The following CFAP47 variants were observed in gnomAD, a reference collection of about 807,000 sequenced individuals.
The protein encoded by CFAP47 is cilia and flagella associated protein 47.
A neutral mutation model predicts 148.1 loss-of-function variants in CFAP47; 29 were observed. That is an observed-to-expected ratio of 0.20 (90% CI 0.15 to 0.27). The LOEUF is 0.27. Ranked by LOEUF, CFAP47 falls within the 10% of genes least tolerant of loss-of-function variation. The pLI, the probability that CFAP47 is intolerant of heterozygous loss-of-function variation, is 1.00. For missense variants in CFAP47, 1,872 were observed against 1,697.5 expected (o/e 1.10, Z -1.81); for synonymous variants, 664 against 577.3 (o/e 1.15, Z -2.15).
At chrX:36,032,307 G>GAA (rs974674041) in intron 23 of CFAP47, among the ~76,000 whole-genome samples, 1 of 103,747 alleles carries the variant, frequency 9.6e-6, no homozygotes. Flanking sequence ...GCCCCATGGA[G>GAA]AAAAAAAAAA....
chrX:35,985,990 G>T, intron 15 of CFAP47: 1 of 314,490 alleles, frequency 3.2e-6, no homozygotes, highest in African/African-American at 2.6e-5. Context: ...ATTAAACTGA[G>T]CTACAGAGCA....
intron 29 of CFAP47, among the ~76,000 whole-genome samples, chrX:36,081,824 C>T (rs1198840381): frequency 9.0e-6 from 1 of 111,149 alleles, no homozygotes; most frequent in East Asian, 2.8e-4. Flanking sequence ...ACAGAGTCAC[C>T]AGCAAAGGAA....
At chrX:35,932,846 C>T (rs977441976) in intron 2 of CFAP47, among the ~76,000 whole-genome samples, 13 of 110,701 alleles carry the variant, frequency 1.2e-4, no homozygotes, top group Non-Finnish European at 1.3e-4. Context: ...AGGATGGTCT[C>T]GGTCTCTTGA....
At chrX:36,102,146 G>C (rs1309377903) in intron 32 of CFAP47, among the ~76,000 whole-genome samples, 1 of 111,773 alleles carries the variant, frequency 8.9e-6, no homozygotes, top group African/African-American at 3.2e-5. Context: ...AAAAATGAAA[G>C]ATAATTCGAA....
chrX:36,283,782 A>T (rs2146946209), intron 50 of CFAP47, among the ~76,000 whole-genome samples: 1 of 111,801 alleles, frequency 8.9e-6, no homozygotes, highest in African/African-American at 3.2e-5. Flanking sequence ...GAACCATGAC[A>T]AATATAGTCC....
At chrX:35,950,983 C>G in intron 4 of CFAP47, 148 bp from the exon 5 acceptor site, 1 of 447,094 alleles carries the variant, frequency 2.2e-6, no homozygotes, top group South Asian at 3.8e-5. Flanking sequence ...CTGGTATGTA[C>G]GTGAAAGGAA....
chrX:36,169,960 C>A (rs772935156), intron 39 of CFAP47, among the ~76,000 whole-genome samples: 1 of 111,992 alleles, frequency 8.9e-6, no homozygotes, highest in South Asian at 3.7e-4. Flanking sequence ...TAGATAAAAA[C>A]AGTGCTCAGG....
chrX:36,311,236 C>G (rs1941391817), intron 56 of CFAP47, among the ~76,000 whole-genome samples: 1 of 110,678 alleles, frequency 9.0e-6, no homozygotes, highest in Non-Finnish European at 1.9e-5. Flanking sequence ...GGTCTATAAA[C>G]CCAAATATGT....
intron 21 of CFAP47, among the ~76,000 whole-genome samples, chrX:36,004,332 G>A (rs980788077): frequency 9.0e-6 from 1 of 110,848 alleles, no homozygotes; most frequent in African/African-American, 3.3e-5. Flanking sequence ...AAATCAGGAA[G>A]GCAATTTAAT....
chrX:36,093,953 G>T (rs1422091888), intron 30 of CFAP47, among the ~76,000 whole-genome samples: 1 of 111,515 alleles, frequency 9.0e-6, no homozygotes, highest in East Asian at 2.8e-4. Context: ...GCCCAGACCT[G>T]TATCGTTCAG....
At chrX:35,920,172 G>A (rs1014990391) in intron 1 of CFAP47, 124 bp downstream of exon 1, 79 of 739,366 alleles carry the variant, frequency 1.1e-4, no homozygotes, top group Middle Eastern at 3.6e-4. Flanking sequence ...TGGGCTTCCC[G>A]GGAAACAGTG....
chrX:36,005,644 C>T (rs182650527), intron 21 of CFAP47, among the ~76,000 whole-genome samples: 27 of 111,991 alleles, frequency 2.4e-4, no homozygotes, highest in African/African-American at 7.7e-4. Flanking sequence ...CTAATGATTA[C>T]ATCTGGATGT....
At chrX:36,197,842 G>T (rs1728806402) in intron 42 of CFAP47, among the ~76,000 whole-genome samples, 1 of 110,716 alleles carries the variant, frequency 9.0e-6, no homozygotes, top group Non-Finnish European at 1.9e-5. Context: ...AAAATTTTAG[G>T]GAACATTATC....
At chrX:36,030,618 A>G (rs917095943) in intron 22 of CFAP47, among the ~76,000 whole-genome samples, 5 of 110,766 alleles carry the variant, frequency 4.5e-5, no homozygotes, top group African/African-American at 1.6e-4. Flanking sequence ...TTAGGATCAG[A>G]AATTGTTTTA....
intron 48 of CFAP47, among the ~76,000 whole-genome samples, chrX:36,239,907 A>G (rs782793013): frequency 2.7e-5 from 3 of 111,990 alleles, no homozygotes; most frequent in Admixed American, 1.9e-4. Context: ...AAAGTATACA[A>G]CAACACATAT....
chrX:36,203,775 G>A (rs955068736), intron 44 of CFAP47, among the ~76,000 whole-genome samples: 1 of 111,987 alleles, frequency 8.9e-6, no homozygotes, highest in Admixed American at 9.5e-5. Context: ...TCCACTTTAC[G>A]AAGAATAGTA....
intron 19 of CFAP47, among the ~76,000 whole-genome samples, chrX:35,999,768 C>T (rs1936893052): frequency 9.0e-6 from 1 of 111,481 alleles, no homozygotes. Flanking sequence ...GTTGGAAATA[C>T]CAAGTCATAC....
At chrX:36,149,782 T>A (rs1399315270) in intron 37 of CFAP47, among the ~76,000 whole-genome samples, 1 of 107,835 alleles carries the variant, frequency 9.3e-6, no homozygotes, top group African/African-American at 3.4e-5. Flanking sequence ...CTAATTTTTG[T>A]ATTTTTAGTA....
intron 35 of CFAP47, among the ~76,000 whole-genome samples, chrX:36,139,843 G>A (rs1939109167): frequency 9.0e-6 from 1 of 111,416 alleles, no homozygotes; most frequent in African/African-American, 3.3e-5. Context: ...GAAGTCACTT[G>A]CATGTTAATG....
Sources: gnomAD v4.1 joint callset for allele counts (sites outside exome capture counted in the v4.1 genomes callset) on GRCh38, gnomAD v4.1.1 for gene constraint, MANE v1.5 for transcripts, NCBI Gene and HGNC (gene_info 2026-07-23, HGNC 2026-07-21) for gene names.